EMILIN1: variants seen among roughly 807,000 people sequenced by gnomAD.
EMILIN1 encodes the protein EMILIN-1.
Under a neutral mutation model 82.4 loss-of-function variants are expected in EMILIN1, and 49 were observed. The ratio of observed to expected loss-of-function variants is 0.59; its 90% CI spans 0.47 to 0.75. The LOEUF (loss-of-function observed/expected upper bound fraction) is 0.75. Among genes scored for constraint, EMILIN1 ranks in the 30% least tolerant of loss-of-function variants. The pLI, the probability that EMILIN1 is intolerant of heterozygous loss-of-function variation, is 0.00. For synonymous variants in EMILIN1, 604 were observed against 602.2 expected (o/e 1.00, Z -0.04); for missense variants, 1,313 against 1,366.4 (o/e 0.96, Z 0.62).
In EMILIN1 at chr2:27,086,121, C is replaced by A; in HGVS notation, c.*106C>A. 1 of 854,728 alleles carries A rather than the reference C, an allele frequency of 1.2e-6. No individual in the cohort carries two copies. The highest frequency in any genetic ancestry group is 3.3e-5 in the East Asian group (1 of 30,196). The allele number at this position is 854,728 out of a possible 1,614,324, so 52.9% of individuals were successfully genotyped here. ...GGCACCTAGCCCTGGGCGAGCGCCG[C>A]ACCCGGGCCCGCAGCGGCACCGCGC... is the stretch of plus-strand genomic sequence containing the variant. On this transcript the variant is annotated 3_prime_UTR_variant, in exon 8 of 8. Coordinates refer to ENST00000380320, the MANE Select transcript of EMILIN1 (RefSeq NM_007046.4).
At chr2:27,085,047 T>C in intron 6 of EMILIN1, 39 bp downstream of exon 6, 1 of 1,613,176 alleles carries the variant, frequency 6.2e-7, no homozygotes, top group Non-Finnish European at 8.5e-7. Context: ...GAGAAGTGAC[T>C]AGGGGTTGGA....
Position 27,082,401 on chromosome 2 carries a change from CAGCCCCAGCCTCAGCCCCTCCG to C in EMILIN1, c.831_852del (p.Ala280ValfsTer23). On this transcript the variant is annotated frameshift_variant, in exon 4 of 8. Coordinates refer to ENST00000380320, the MANE Select transcript of EMILIN1 (RefSeq NM_007046.4). LOFTEE classifies it high-confidence loss of function. Reference sequence around the variant, plus strand: ...AGCAGCAGTGGGGGCAGCAGGGCCCCAGCCCCAGCCTCAGCCCCTCCGGGCCCCAGTGAGGAGCTGCTGCGGC... The same window carrying C: ...AGCAGCAGTGGGGGCAGCAGGGCCCCGGCCCCAGTGAGGAGCTGCTGCGGC... 6.2e-7 allele frequency: 1 copy of C among 1,608,256 alleles called. No homozygotes were observed. The highest frequency in any genetic ancestry group is 8.5e-7 in the Non-Finnish European group (1 of 1,178,712).
Position 27,083,364 on chromosome 2 carries a change from G to T in EMILIN1, c.1793G>T (p.Gly598Val), listed in dbSNP as rs1264830831. 1.9e-6 allele frequency: 3 copies of T among 1,612,694 alleles called. No individual in the cohort carries two copies. The highest frequency in any genetic ancestry group is 1.7e-6 in the Non-Finnish European group (2 of 1,179,944). Residue 598 changes from glycine to valine, a missense_variant, in exon 4 of 8, where the codon GGT becomes GTT. Physicochemically the swap from Gly to Val is moderately radical, Grantham distance 109. Coordinates refer to ENST00000380320, the MANE Select transcript of EMILIN1 (RefSeq NM_007046.4). ...GAGGAACTAGGCCGCCTTCGGGATG[G>T]TGTGGAGCGCTGCTCCTGCCCCCTG... The part of the protein sequence containing the change: ...VQEELGRLRD[G>V]VERCSCPLLP...
At position 27,086,105 on chromosome 2, in the gene EMILIN1, CCCTGG is replaced by C; in HGVS notation, c.*91_*95del. 1 of 1,025,840 alleles carries C rather than the reference CCCTGG, an allele frequency of 9.7e-7. No homozygotes were observed. The highest frequency in any genetic ancestry group is 1.3e-6 in the Non-Finnish European group (1 of 776,458). The allele number at this position is 1,025,840 out of a possible 1,614,324, so 63.5% of individuals were successfully genotyped here. The stretch of plus-strand genomic sequence containing the variant: ...GTCTCGCCTGAGACGGGGCACCTAG[CCCTGG>C]GCGAGCGCCGCACCCGGGCCCGCAG... On this transcript the variant is annotated 3_prime_UTR_variant, in exon 8 of 8. Coordinates refer to ENST00000380320, the MANE Select transcript of EMILIN1 (RefSeq NM_007046.4).
chr2:27,082,182 G>C lies in EMILIN1; in HGVS notation c.611G>C (p.Gly204Ala). ...GLRGVLQGLS[G>A]RLAEDVQRAV... ...CGGGGCGTCCTGCAAGGACTGAGCG[G>C]GCGCCTGGCAGAGGATGTGCAGAGG... The change falls in exon 4 of 8, where the codon GGG (glycine) becomes GCG (alanine). Residue 204 changes from glycine to alanine, a missense_variant. By Grantham distance (60) the Gly-to-Ala change is moderately conservative (BLOSUM62 0). Coordinates refer to ENST00000380320, the MANE Select transcript of EMILIN1 (RefSeq NM_007046.4). 1.2e-6 allele frequency: 2 copies of C among 1,613,736 alleles called. No homozygotes were observed. Among genetic ancestry groups the C allele is most frequent in the Non-Finnish European group, 1.7e-6 (2 of 1,180,026 alleles).
intron 2 of EMILIN1, 76 bp from the exon 3 acceptor site, chr2:27,080,656 C>CCCA: frequency 7.8e-7 from 1 of 1,278,960 alleles, no homozygotes; most frequent in Non-Finnish European, 1.1e-6. Flanking sequence ...CCAGCAGCTG[C>CCCA]CCACCCCTGA....
Position 27,080,908 on chromosome 2 carries a change from C to A in EMILIN1, c.467C>A (p.Ser156Tyr). 6.2e-7 allele frequency: 1 copy of A among 1,606,768 alleles called. No homozygotes were observed. The highest frequency in any genetic ancestry group is 8.5e-7 in the Non-Finnish European group (1 of 1,176,894). ...PLARPARPNL[S>Y]GSSAGSPLSG... Reference sequence around the variant, plus strand: ...GCCCGGCCTGCCCGCCCCAACCTCTCTGGCTCCAGTGCAGGCAGCCCCCTC... The same window carrying A: ...GCCCGGCCTGCCCGCCCCAACCTCTATGGCTCCAGTGCAGGCAGCCCCCTC... Residue 156 changes from serine to tyrosine, a missense_variant, in exon 3 of 8, where the codon TCT becomes TAT. Physicochemically the swap from Ser to Tyr is moderately radical, Grantham distance 144. Coordinates refer to ENST00000380320, the MANE Select transcript of EMILIN1 (RefSeq NM_007046.4).
In EMILIN1 at chr2:27,082,950, T is replaced by A. The variant is rs1422740806; in HGVS notation, c.1379T>A (p.Leu460Gln). 4.2e-6 allele frequency: 6 copies of A among 1,413,828 alleles called. No homozygotes were observed. Among genetic ancestry groups the A allele is most frequent in the Non-Finnish European group, 5.7e-6 (6 of 1,050,706 alleles). The allele number at this position is 1,413,828 out of a possible 1,614,324, so 87.6% of individuals were successfully genotyped here. Residue 460 changes from leucine to glutamine, a missense_variant, in exon 4 of 8, where the codon CTG (leucine) becomes CAG (glutamine). By Grantham distance (113) the Leu-to-Gln change is moderately radical (BLOSUM62 -2). Transcript: ENST00000380320. ...CTGCTGGCCAATGTGAGCGGGGAGC[T>A]GGGGGGGCGGTTGGATCTGTTGGAG... ...GGLLANVSGE[L>Q]GGRLDLLEEQ... is the part of the protein sequence containing the mutation.
Position 27,082,606 on chromosome 2 carries a change from G to C in EMILIN1, c.1035G>C (p.Val345=), listed in dbSNP as rs541575661. 194 of 1,543,192 alleles carry C rather than the reference G, an allele frequency of 1.3e-4. 2 individuals carry two copies. In the South Asian group the frequency reaches 1.7e-3, roughly 14 times the overall value. ...ERQRHLAGLA[V]GRRPPQECCS... is the part of the protein sequence containing the mutation. ...AACGGCACCTCGCAGGGCTGGCGGTGGGCCGCAGGCCCCCTCAGGAATGCT... is the reference window on the plus strand; with the variant it reads ...AACGGCACCTCGCAGGGCTGGCGGTCGGCCGCAGGCCCCCTCAGGAATGCT... Residue 345 remains valine (V), a synonymous_variant, in exon 4 of 8, where the codon GTG becomes GTC. Coordinates refer to ENST00000380320, the MANE Select transcript of EMILIN1 (RefSeq NM_007046.4).
At chr2:27,084,052 C>A in intron 4 of EMILIN1, 41 bp downstream of exon 4, 1 of 1,433,212 alleles carries the variant, frequency 7.0e-7, no homozygotes, top group East Asian at 2.5e-5. Flanking sequence ...TTTCAAGCCC[C>A]TTATTTTTCT....
chr2:27,080,653 C>T, intron 2 of EMILIN1, 79 bp from the exon 3 acceptor site: 2 of 1,234,708 alleles, frequency 1.6e-6, no homozygotes, highest in South Asian at 1.4e-5. Context: ...CCACCAGCAG[C>T]TGCCCACCCC....
Position 27,083,567 on chromosome 2 carries a change from A to G in EMILIN1, c.1996A>G (p.Thr666Ala), listed in dbSNP as rs772885477. The change falls in exon 4 of 8, where the codon ACC (threonine) becomes GCC (alanine). Residue 666 changes from threonine (T) to alanine (A), a missense_variant. Coordinates refer to ENST00000380320, the MANE Select transcript of EMILIN1 (RefSeq NM_007046.4). ...SLNDSLNELQ[T>A]TVEGQGADLA... is the part of the protein sequence containing the mutation. ...CAATGACTCACTGAATGAGCTCCAGACCACTGTGGAGGGCCAGGGCGCTGA... is the reference window on the plus strand; with the variant it reads ...CAATGACTCACTGAATGAGCTCCAGGCCACTGTGGAGGGCCAGGGCGCTGA... 37 of 1,613,940 alleles carry G rather than the reference A, an allele frequency of 2.3e-5. No individual in the cohort carries two copies. The highest frequency in any genetic ancestry group is 3.0e-5 in the Non-Finnish European group (35 of 1,179,962).
intron 5 of EMILIN1, 61 bp downstream of exon 5, chr2:27,084,592 C>A (rs1380685403): frequency 3.0e-6 from 3 of 989,426 alleles, no homozygotes; most frequent in Non-Finnish European, 4.8e-6. Context: ...AACCCTGACC[C>A]CCGCTGGCAG....
chr2:27,085,763 GT>G lies in EMILIN1; in HGVS notation c.2800del (p.Ser934ProfsTer10). On this transcript the variant is annotated frameshift_variant, in exon 8 of 8. Coordinates refer to ENST00000380320, the MANE Select transcript of EMILIN1 (RefSeq NM_007046.4). LOFTEE classifies it high-confidence loss of function. The part of the protein sequence containing the change: ...HRHEKVEAVL[S>X]RSNQGVARVD... ...GGCACGAGAAAGTGGAGGCCGTGCT[GT>G]CCCGCTCCAACCAGGGCGTGGCCCG... The G allele has an allele frequency of 6.2e-7, 1 of 1,612,708 alleles. No homozygotes were observed. The highest frequency in any genetic ancestry group is 8.5e-7 in the Non-Finnish European group (1 of 1,179,814).
At chr2:27,085,345 T>C (rs1572848940) in intron 7 of EMILIN1, 48 bp downstream of exon 7, 4 of 1,605,096 alleles carry the variant, frequency 2.5e-6, no homozygotes, top group Admixed American at 1.7e-5. Context: ...ATGGGTGAGG[T>C]GTGCAGTGAT....
chr2:27,082,045 G>A (rs771686858), intron 3 of EMILIN1, 38 bp from the exon 4 acceptor site: 44 of 1,541,100 alleles, frequency 2.9e-5, no homozygotes, highest in Non-Finnish European at 3.9e-5. Flanking sequence ...GAGCTCTGGG[G>A]TCCAGCCCCT....
rs376594162 is a variant in EMILIN1 at position 27,083,985 on chromosome 2, A to G, written c.2414A>G (p.His805Arg). The stretch of plus-strand genomic sequence containing the variant: ...CTGCAGCTCCTGGAGGACCGTCTGC[A>G]CCAGCTCAGCCTGAAGGACCTCACT... ...SSLQLLEDRL[H>R]QLSLKDLTGP... is the part of the protein sequence containing the mutation. The change falls in exon 4 of 8, where the codon CAC becomes CGC. Residue 805 changes from histidine to arginine, a missense_variant. His to Arg is a conservative substitution (Grantham distance 29, BLOSUM62 0). Transcript: ENST00000380320. The G allele has an allele frequency of 2.1e-5, 32 of 1,530,440 alleles. No individual in the cohort carries two copies. The South Asian group carries it at 2.4e-4, about 11-fold the overall frequency. The allele number at this position is 1,530,440 out of a possible 1,614,324, so 94.8% of individuals were successfully genotyped here.
chr2:27,082,374 G>GCAGCAGCAGTGGGGGCAGCAGGGCCC lies in EMILIN1; in HGVS notation c.808_833dup (p.Pro279AlafsTer40). 1 of 1,611,092 alleles carries GCAGCAGCAGTGGGGGCAGCAGGGCCC rather than the reference G, an allele frequency of 6.2e-7. No individual in the cohort carries two copies. ...CACCTCAACAACCATCATGGCGGCA[G>GCAGCAGCAGTGGGGGCAGCAGGGCCC]CAGCAGCAGTGGGGGCAGCAGGGCC... On this transcript the variant is annotated frameshift_variant, in exon 4 of 8. Transcript: ENST00000380320. LOFTEE classifies it high-confidence loss of function.
intron 2 of EMILIN1, 25 bp downstream of exon 2, chr2:27,080,295 G>A: frequency 6.2e-7 from 1 of 1,612,344 alleles, no homozygotes; most frequent in Non-Finnish European, 8.5e-7. Context: ...CGGGCAACGG[G>A]CCCTTGGTGG....
Sources: gnomAD v4.1 joint callset for allele counts on GRCh38, gnomAD v4.1.1 for gene constraint, MANE v1.5 for transcripts, NCBI Gene and HGNC (gene_info 2026-07-23, HGNC 2026-07-21) for gene names.